The following TRPS1 variants were observed in gnomAD, a reference collection of about 807,000 sequenced individuals.
TRPS1 encodes the protein transcriptional repressor GATA binding 1.
TRPS1 carries 6 observed loss-of-function variants against 101.2 expected under a neutral mutation model. The observed-to-expected ratio is 0.06, with a 90% confidence interval of 0.03 to 0.12. The LOEUF is 0.12. Ranked by LOEUF, TRPS1 falls within the 10% of genes least tolerant of loss-of-function variation. The pLI, the probability that TRPS1 is intolerant of heterozygous loss-of-function variation, is 1.00. For missense variants in TRPS1, 1,363 were observed against 1,567.0 expected (o/e 0.87, Z 2.20); for synonymous variants, 578 against 589.8 (o/e 0.98, Z 0.29).
At chr8:115,592,372 C>T (rs1817696107) in intron 4 of TRPS1, among the ~76,000 whole-genome samples, 1 of 152,186 alleles carries the variant, frequency 6.6e-6, no homozygotes, top group African/African-American at 2.4e-5. Context: ...ACTCCCAAGG[C>T]TTTAATAAAA....
At chr8:115,534,575 C>A (rs1816235789) in intron 5 of TRPS1, among the ~76,000 whole-genome samples, 1 of 152,206 alleles carries the variant, frequency 6.6e-6, no homozygotes, top group South Asian at 2.1e-4. Flanking sequence ...TAACACATGG[C>A]AAAGGACTGC....
intron 5 of TRPS1, among the ~76,000 whole-genome samples, chr8:115,450,362 G>A (rs1037707048): frequency 3.3e-5 from 5 of 152,016 alleles, no homozygotes; most frequent in East Asian, 1.9e-4. Flanking sequence ...AGGCCTCACC[G>A]ACCATCTTAA....
chr8:115,558,568 A>G (rs986510650), intron 5 of TRPS1, among the ~76,000 whole-genome samples: 59 of 152,204 alleles, frequency 3.9e-4, no homozygotes, highest in African/African-American at 1.2e-3. Flanking sequence ...ATTAAGTATG[A>G]AAAACACTTA....
At chr8:115,449,020 TGA>T (rs1813803563) in intron 5 of TRPS1, among the ~76,000 whole-genome samples, 1 of 152,224 alleles carries the variant, frequency 6.6e-6, no homozygotes, top group Non-Finnish European at 1.5e-5. Context: ...TACTTTCTAA[TGA>T]ATTTCCTTTT....
intron 3 of TRPS1, among the ~76,000 whole-genome samples, chr8:115,618,297 T>C (rs982192272): frequency 7.2e-5 from 11 of 152,196 alleles, no homozygotes; most frequent in African/African-American, 2.7e-4. Context: ...ATTTTGACTA[T>C]GCTAAAATTA....
chr8:115,558,553 T>C (rs1816877627), intron 5 of TRPS1, among the ~76,000 whole-genome samples: 1 of 152,200 alleles, frequency 6.6e-6, no homozygotes, highest in African/African-American at 2.4e-5. Context: ...CAAAGCATTT[T>C]AGCAATTAAG....
intron 5 of TRPS1, among the ~76,000 whole-genome samples, chr8:115,550,403 G>T (rs529023790): frequency 2.2e-4 from 33 of 152,200 alleles, no homozygotes; most frequent in Non-Finnish European, 4.0e-4. Context: ...TGGGGCTTTG[G>T]GTAAGTCACT....
intron 5 of TRPS1, among the ~76,000 whole-genome samples, chr8:115,491,226 G>A (rs1312317389): frequency 2.6e-5 from 4 of 152,120 alleles, no homozygotes; most frequent in Non-Finnish European, 5.9e-5. Flanking sequence ...CTTTGTCTTT[G>A]TCTTTTCCTC....
At chr8:115,636,100 T>TTA (rs398112919) in intron 1 of TRPS1, among the ~76,000 whole-genome samples, 2 of 151,838 alleles carry the variant, frequency 1.3e-5, no homozygotes, top group East Asian at 1.9e-4. Flanking sequence ...GTCCTTTTTT[T>TTA]ATCATCAGGA....
At chr8:115,496,554 C>T (rs1815153904) in intron 5 of TRPS1, among the ~76,000 whole-genome samples, 1 of 152,008 alleles carries the variant, frequency 6.6e-6, no homozygotes, top group Non-Finnish European at 1.5e-5. Context: ...GATGCAAGTA[C>T]TTTGTTTTTT....
At chr8:115,492,069 A>G (rs1010713831) in intron 5 of TRPS1, 19 of 415,444 alleles carry the variant, frequency 4.6e-5, no homozygotes, top group South Asian at 3.3e-4. Flanking sequence ...CTTCTAATAC[A>G]TGTTTAAAAT....
intron 5 of TRPS1, among the ~76,000 whole-genome samples, chr8:115,535,785 T>C (rs776996329): frequency 2.0e-5 from 3 of 151,688 alleles, no homozygotes; most frequent in African/African-American, 7.3e-5. Flanking sequence ...GACTGTCATA[T>C]ATATATATAT....
chr8:115,618,896 CTT>C (rs887129134), intron 3 of TRPS1, among the ~76,000 whole-genome samples: 1 of 152,140 alleles, frequency 6.6e-6, no homozygotes, highest in East Asian at 1.9e-4. Flanking sequence ...CATGAAAAGA[CTT>C]TCCCAAATTT....
chr8:115,484,484 A>G (rs775857600), intron 5 of TRPS1, among the ~76,000 whole-genome samples: 2 of 152,186 alleles, frequency 1.3e-5, no homozygotes, highest in African/African-American at 2.4e-5. Flanking sequence ...ACATCCTTCA[A>G]GAGGCAAATA....
At chr8:115,500,817 C>T (rs557647771) in intron 5 of TRPS1, among the ~76,000 whole-genome samples, 1 of 152,256 alleles carries the variant, frequency 6.6e-6, no homozygotes. Context: ...TTGTAATCTG[C>T]CCGCCTCGGC....
chr8:115,522,687 T>C (rs1305217356), intron 5 of TRPS1, among the ~76,000 whole-genome samples: 4 of 152,104 alleles, frequency 2.6e-5, no homozygotes, highest in East Asian at 1.9e-4. Flanking sequence ...AAAGAAAGCA[T>C]GTAAATTATT....
intron 5 of TRPS1, among the ~76,000 whole-genome samples, chr8:115,586,044 C>T (rs1441022513): frequency 3.9e-5 from 6 of 152,176 alleles, no homozygotes; most frequent in Non-Finnish European, 7.3e-5. Context: ...GGTCTATGAC[C>T]CGCAGGTCAA....
chr8:115,574,857 T>G (rs987623932), intron 5 of TRPS1, among the ~76,000 whole-genome samples: 1 of 152,164 alleles, frequency 6.6e-6, no homozygotes, highest in African/African-American at 2.4e-5. Context: ...GATTCTTTGC[T>G]GCTGCTCAAG....
chr8:115,570,106 A>G (rs1817165806), intron 5 of TRPS1, among the ~76,000 whole-genome samples: 1 of 152,032 alleles, frequency 6.6e-6, no homozygotes, highest in East Asian at 1.9e-4. Flanking sequence ...ATATAGATAT[A>G]TATGTAGATA....
Sources: allele counts gnomAD v4.1 joint callset (sites outside exome capture counted in the v4.1 genomes callset), GRCh38; gene constraint gnomAD v4.1.1; transcripts MANE v1.5; gene names NCBI Gene and HGNC (gene_info 2026-07-23, HGNC 2026-07-21).